AP2B1: variants seen among roughly 807,000 people sequenced by gnomAD.
AP2B1 encodes the protein AP-2 complex subunit beta.
Under a neutral mutation model 102.0 loss-of-function variants are expected in AP2B1, and 23 were observed. The ratio of observed to expected loss-of-function variants is 0.23; its 90% CI spans 0.16 to 0.32. The LOEUF (loss-of-function observed/expected upper bound fraction) is 0.32. Ranked by LOEUF, AP2B1 falls within the 10% of genes least tolerant of loss-of-function variation. The pLI, the probability that AP2B1 is intolerant of heterozygous loss-of-function variation, is 1.00. For synonymous variants in AP2B1, 381 were observed against 421.2 expected, an observed-to-expected ratio of 0.90 and a Z score of 1.17; for missense variants, 541 against 1,157.4, an observed-to-expected ratio of 0.47 and a Z score of 7.73.
rs148779155 is a variant in AP2B1, at chr17:35,682,859, A to C, written c.2454+35A>C. 3 of 1,576,124 alleles carry C rather than the reference A, an allele frequency of 1.9e-6. No individual in the cohort carries two copies. In the East Asian group the frequency reaches 6.9e-5, roughly 36 times the overall value. ...TTACTTCACTCAGGTGGTACAAGTT[A>C]ATATCTTGACAATTATTATTATTAT... On this transcript the variant is annotated intron_variant, in intron 18 of 21. Coordinates refer to ENST00000610402, the MANE Select transcript of AP2B1 (RefSeq NM_001030006.2).
At chr17:35,671,961 T>G in intron 16 of AP2B1, 61 bp downstream of exon 16, 7 of 1,567,920 alleles carry the variant, frequency 4.5e-6, no homozygotes, top group Non-Finnish European at 6.1e-6. Context: ...CTGTTTCACT[T>G]TCAACATTTG....
chr17:35,720,767 C>A (rs1423109843), intron 21 of AP2B1, among the ~76,000 whole-genome samples: 2 of 147,598 alleles, frequency 1.4e-5, no homozygotes, highest in African/African-American at 5.0e-5. Context: ...TTTGTTTATA[C>A]TTCCTTGCCC....
At position 35,709,320 on chromosome 17, in the gene AP2B1, C is replaced by T; in HGVS notation, c.2539+12C>T. 6.2e-7 allele frequency: 1 copy of T among 1,603,822 alleles called. No individual in the cohort carries two copies. The highest frequency in any genetic ancestry group is 8.5e-7 in the Non-Finnish European group (1 of 1,170,778). On this transcript the variant is annotated intron_variant, in intron 19 of 21. Transcript: ENST00000610402. ...AGATGGCAAAATGGGTAAGTACCTT[C>T]CTGCCTGTCCTGCTGAATATACCTT...
At chr17:35,717,446 C>A in intron 21 of AP2B1, 97 bp downstream of exon 21, 1 of 1,374,504 alleles carries the variant, frequency 7.3e-7, no homozygotes, top group Non-Finnish European at 1.0e-6. Context: ...GGAGGAGGTG[C>A]TTTAAACCTG....
chr17:35,696,933 T>C (rs2076152514), intron 18 of AP2B1, among the ~76,000 whole-genome samples: 1 of 152,330 alleles, frequency 6.6e-6, no homozygotes, highest in Middle Eastern at 3.4e-3. Flanking sequence ...AGGTGCTAGA[T>C]AAATATTTGT....
intron 18 of AP2B1, among the ~76,000 whole-genome samples, chr17:35,687,651 G>A (rs766135998): frequency 3.9e-5 from 6 of 151,944 alleles, no homozygotes; most frequent in Non-Finnish European, 7.4e-5. Flanking sequence ...AGGCTCAAGC[G>A]ATCCTGCTAC....
chr17:35,668,076 T>C (rs558986578), intron 14 of AP2B1, among the ~76,000 whole-genome samples: 167 of 151,972 alleles, frequency 1.1e-3, no homozygotes, highest in South Asian at 3.5e-3. Flanking sequence ...TAGCTGGGAC[T>C]ACAGGTTCCC....
chr17:35,689,304 C>G (rs959443408), intron 18 of AP2B1, among the ~76,000 whole-genome samples: 2 of 152,076 alleles, frequency 1.3e-5, no homozygotes, highest in Non-Finnish European at 2.9e-5. Flanking sequence ...CTCGGCCTCC[C>G]GAGTAGCTGG....
chr17:35,599,686 T>G (rs1202409957), intron 3 of AP2B1, among the ~76,000 whole-genome samples: 1 of 152,102 alleles, frequency 6.6e-6, no homozygotes, highest in African/African-American at 2.4e-5. Context: ...GGCGGATCAC[T>G]TGAGGGCAGG....
At chr17:35,704,126 A>G (rs909055533) in intron 18 of AP2B1, among the ~76,000 whole-genome samples, 7 of 152,204 alleles carry the variant, frequency 4.6e-5, no homozygotes, top group African/African-American at 1.7e-4. Context: ...TTTAAGAGCA[A>G]TCAGCATCAG....
rs374531517 is a variant in AP2B1 at position 35,606,947 on chromosome 17, C to T, written c.279+1107C>T. Among the ~76,000 whole-genome samples, 4 of 151,292 alleles carry T rather than the reference C, an allele frequency of 2.6e-5. No homozygotes were observed. The East Asian group carries it at 5.8e-4, about 22-fold the overall frequency. On this transcript the variant is annotated intron_variant, in intron 4 of 21. Coordinates refer to ENST00000610402, the MANE Select transcript of AP2B1 (RefSeq NM_001030006.2). ...GGTGACAGAATTTCACTCTTGTTGC[C>T]CGGGCTGGAGTGCAATGGCGCAATC...
rs759031459 is a variant in AP2B1, at chr17:35,650,564, A to G, written c.1571A>G (p.Tyr524Cys). Residue 524 changes from tyrosine to cysteine, a missense_variant, in exon 13 of 22, where the codon TAT becomes TGT. Tyr to Cys is a radical substitution (Grantham distance 194). This residue lies in a region of AP2B1 where 106 missense variants were observed against 296.4 expected (regional missense o/e 0.36). Coordinates refer to ENST00000610402, the MANE Select transcript of AP2B1 (RefSeq NM_001030006.2). ...AATCCTGACCTTCGAGACCGGGGCT[A>G]TATTTATTGGCGCCTTCTCTCAACT... ...SDNPDLRDRGYIYWRLLSTDP... is the reference protein window; with the variant it reads ...SDNPDLRDRGCIYWRLLSTDP... 1.9e-6 allele frequency: 3 copies of G among 1,614,134 alleles called. No individual in the cohort carries two copies. Among genetic ancestry groups the G allele is most frequent in the Non-Finnish European group, 2.5e-6 (3 of 1,180,022 alleles).
At chr17:35,609,589 C>T (rs185081023) in intron 5 of AP2B1, among the ~76,000 whole-genome samples, 332 of 152,246 alleles carry the variant, frequency 2.2e-3, no homozygotes, top group African/African-American at 7.5e-3. Flanking sequence ...CCTCGTGATC[C>T]ACCTGACATG....
chr17:35,596,710 C>T (rs547791014), intron 2 of AP2B1, among the ~76,000 whole-genome samples: 1 of 152,158 alleles, frequency 6.6e-6, no homozygotes, highest in Non-Finnish European at 1.5e-5. Context: ...TCCAGCTGCC[C>T]GGTGTAGAAG....
At chr17:35,648,554 ATACATAC>A (rs2075002586) in intron 12 of AP2B1, among the ~76,000 whole-genome samples, 2 of 151,866 alleles carry the variant, frequency 1.3e-5, no homozygotes, top group South Asian at 2.1e-4. Context: ...ACATACATAC[ATACATAC>A]AAATAAAACA....
chr17:35,720,558 TATATATATATA>T (rs1568063196), intron 21 of AP2B1, among the ~76,000 whole-genome samples: 1 of 57,602 alleles, frequency 1.7e-5, no homozygotes, highest in Non-Finnish European at 3.7e-5. Context: ...TATATATATA[TATATATATATA>T]TATATTTTTT....
intron 20 of AP2B1, among the ~76,000 whole-genome samples, chr17:35,713,997 G>A (rs760841869): frequency 6.6e-6 from 1 of 152,190 alleles, no homozygotes; most frequent in Non-Finnish European, 1.5e-5. Context: ...TGTCTTAAGT[G>A]CACAAGAAGT....
At chr17:35,601,289 C>T (rs375908938) in intron 3 of AP2B1, among the ~76,000 whole-genome samples, 1 of 152,172 alleles carries the variant, frequency 6.6e-6, no homozygotes, top group East Asian at 1.9e-4. Flanking sequence ...TAACATTTTG[C>T]GTAATTAGGA....
chr17:35,705,665 G>A (rs1163917693), intron 18 of AP2B1, among the ~76,000 whole-genome samples: 1 of 152,082 alleles, frequency 6.6e-6, no homozygotes, highest in African/African-American at 2.4e-5. Context: ...GGGACTACAG[G>A]TGCATGCCAC....
Sources: gnomAD v4.1 joint callset for allele counts (sites outside exome capture counted in the v4.1 genomes callset) on GRCh38, gnomAD v4.1.1 for gene constraint, gnomAD v4.1.1 regional missense constraint, MANE v1.5 for transcripts, NCBI Gene and HGNC (gene_info 2026-07-23, HGNC 2026-07-21) for gene names.